The following PIAS2 variants were observed in gnomAD, a reference collection of about 807,000 sequenced individuals.
The protein encoded by PIAS2 is E3 SUMO-protein ligase PIAS2.
PIAS2 carries 19 observed loss-of-function variants against 69.7 expected under a neutral mutation model. The observed-to-expected ratio is 0.27, with a 90% confidence interval of 0.19 to 0.40. The LOEUF (loss-of-function observed/expected upper bound fraction) is 0.40, where lower values mean the gene tolerates loss of function less well. Among genes scored for constraint, PIAS2 ranks in the 10% least tolerant of loss-of-function variants. The pLI is 1.00. For synonymous variants in PIAS2, 261 were observed against 263.2 expected (o/e 0.99, Z 0.08); for missense variants, 624 against 757.0 (o/e 0.82, Z 2.06).
chr18:46,881,224 A>T (rs565386234), intron 2 of PIAS2, among the ~76,000 whole-genome samples: 1 of 152,002 alleles, frequency 6.6e-6, no homozygotes, highest in Non-Finnish European at 1.5e-5. Context: ...TCTCTGAACG[A>T]CCCCAGGCTC....
At chr18:46,894,925 T>C (rs958841362) in intron 1 of PIAS2, among the ~76,000 whole-genome samples, 2 of 151,560 alleles carry the variant, frequency 1.3e-5, no homozygotes, top group African/African-American at 4.9e-5. Context: ...ACAAAAAAAT[T>C]AGCCAGGCAT....
intron 8 of PIAS2, among the ~76,000 whole-genome samples, chr18:46,838,994 GT>G (rs1317601029): frequency 6.6e-6 from 1 of 152,026 alleles, no homozygotes; most frequent in African/African-American, 2.4e-5. Context: ...GAGATAACCG[GT>G]TTTTTATATC....
Position 46,876,667 on chromosome 18 carries a change from AAAATTCAGGAAT to A in PIAS2, c.500-12431_500-12420del, listed in dbSNP as rs1245763225. Among the ~76,000 whole-genome samples the A allele has an allele frequency of 1.0e-3, 159 of 152,014 alleles. 2 individuals carry two copies. Among genetic ancestry groups the A allele is most frequent in the African/African-American group, 3.8e-3 (156 of 41,412 alleles). ...ACTGCTTTATCCAATGAACTAGCTA[AAAATTCAGGAAT>A]AAATGATCCCTTTACTAATTTTTTT... On this transcript the variant is annotated intron_variant, in intron 2 of 13. Coordinates refer to ENST00000585916, the MANE Select transcript of PIAS2 (RefSeq NM_004671.5).
At chr18:46,812,841 A>T (rs1361346634) in intron 13 of PIAS2, among the ~76,000 whole-genome samples, 2 of 152,162 alleles carry the variant, frequency 1.3e-5, no homozygotes, top group Non-Finnish European at 2.9e-5. Flanking sequence ...AACTTGTGGA[A>T]CTTGTTTGCT....
chr18:46,903,603 T>C (rs937641218), intron 1 of PIAS2: 1 of 152,230 alleles, frequency 6.6e-6, no homozygotes, highest in East Asian at 1.9e-4. Context: ...ACTCCATACA[T>C]TGCTGGTAGG....
chr18:46,804,718 T>C lies in PIAS2; in HGVS notation c.*7715A>G, dbSNP rs139672906. ...CATGCTCTTGTAGCACCCTATACTT[T>C]GTCTTTTACCATTAACATTGTAATC... On this transcript the variant is annotated 3_prime_UTR_variant, in exon 14 of 14. Coordinates refer to ENST00000585916, the MANE Select transcript of PIAS2 (RefSeq NM_004671.5). The C allele has an allele frequency of 6.6e-6, 1 of 152,332 alleles. No homozygotes were observed. Among genetic ancestry groups the C allele is most frequent in the East Asian group, 1.9e-4 (1 of 5,182 alleles). 9.4% of individuals were successfully genotyped at this position (152,332 alleles called of 1,614,324 possible). A position where few individuals can be genotyped will look rare whatever the true frequency, so the allele number is the denominator to read the frequency against.
At chr18:46,845,461 C>T (rs912363268) in intron 6 of PIAS2, among the ~76,000 whole-genome samples, 3 of 152,060 alleles carry the variant, frequency 2.0e-5, no homozygotes, top group African/African-American at 7.2e-5. Flanking sequence ...ATTTTATTGA[C>T]AAGCAGCAGC....
Position 46,816,748 on chromosome 18 carries a change from A to C in PIAS2, c.1649-1399T>G, listed in dbSNP as rs75747385. 472 of 969,312 alleles carry C rather than the reference A, an allele frequency of 4.9e-4. 4 individuals are homozygous for C. The African/African-American group carries it at 7.5e-3, about 15-fold the overall frequency. The allele number at this position is 969,312 out of a possible 1,614,324, so 60.0% of individuals were successfully genotyped here. On this transcript the variant is annotated intron_variant, in intron 12 of 13. Coordinates refer to ENST00000585916, the MANE Select transcript of PIAS2 (RefSeq NM_004671.5). ...CTCCCAAAGTGCTGGGATTACAGAC[A>C]TAAGCCACCGCACCCAGCTTGCTGT...
chr18:46,810,189 A>AC lies in PIAS2; in HGVS notation c.*2243_*2244insG, dbSNP rs2040909779. On this transcript the variant is annotated 3_prime_UTR_variant, in exon 14 of 14. Transcript: ENST00000585916. ...CATTAAAACTGTTCACAGAAAATAG[A>AC]AAAAAAAACAAAAAAACAAATCACA... 1 of 46,218 alleles carries AC rather than the reference A, an allele frequency of 2.2e-5. No individual in the cohort carries two copies. Among genetic ancestry groups the AC allele is most frequent in the Admixed American group, 1.7e-4 (1 of 6,028 alleles). The allele number at this position is 46,218 out of a possible 1,614,324, so 2.9% of individuals were successfully genotyped here. A position where few individuals can be genotyped will look rare whatever the true frequency, so the allele number is the denominator to read the frequency against.
chr18:46,918,309 A>T (rs1387924240), upstream of PIAS2, among the ~76,000 whole-genome samples: 1 of 152,136 alleles, frequency 6.6e-6, no homozygotes, highest in Non-Finnish European at 1.5e-5. Context: ...AATTGGGTGG[A>T]ACCCACACAC....
intron 12 of PIAS2, among the ~76,000 whole-genome samples, chr18:46,819,834 A>G (rs555229478): frequency 3.3e-5 from 5 of 152,156 alleles, no homozygotes; most frequent in Non-Finnish European, 7.4e-5. Flanking sequence ...AGGGAAGAAG[A>G]GTAAAGGAGG....
chr18:46,844,700 TTTTA>T, intron 7 of PIAS2, 30 bp downstream of exon 7: 1 of 817,194 alleles, frequency 1.2e-6, no homozygotes, highest in Non-Finnish European at 1.8e-6. Flanking sequence ...TTTTTTTTTT[TTTTA>T]AATGCTTGGT....
At chr18:46,880,089 T>TA (rs58230183) in intron 2 of PIAS2, among the ~76,000 whole-genome samples, 8,103 of 110,304 alleles carry the variant, frequency 0.073, 259 homozygotes, top group Non-Finnish European at 0.085. Context: ...TTTACCACAG[T>TA]AAAAAAAAAA....
intron 1 of PIAS2, chr18:46,891,668 A>T: frequency 1.0e-6 from 1 of 966,250 alleles, no homozygotes; most frequent in Non-Finnish European, 1.2e-6. Context: ...CAAACTTCTA[A>T]AACAACTGAA....
At chr18:46,869,810 T>A (rs540997816) in intron 2 of PIAS2, among the ~76,000 whole-genome samples, 2 of 152,308 alleles carry the variant, frequency 1.3e-5, no homozygotes, top group Admixed American at 6.5e-5. Flanking sequence ...ATTTGTCAAC[T>A]TCTAATAGAG....
At chr18:46,856,029 A>C (rs762115994) in intron 3 of PIAS2, among the ~76,000 whole-genome samples, 1 of 104,602 alleles carries the variant, frequency 9.6e-6, no homozygotes, top group Non-Finnish European at 1.8e-5. Flanking sequence ...TTTTTGAGAC[A>C]GAGTCTTGCC....
chr18:46,872,808 T>C (rs2050571193), intron 2 of PIAS2, among the ~76,000 whole-genome samples: 1 of 152,182 alleles, frequency 6.6e-6, no homozygotes, highest in Non-Finnish European at 1.5e-5. Context: ...GCCCTAGAGA[T>C]GAAACCCTTA....
At chr18:46,859,541 C>T (rs2048357698) in intron 3 of PIAS2, among the ~76,000 whole-genome samples, 1 of 151,686 alleles carries the variant, frequency 6.6e-6, no homozygotes, top group South Asian at 2.1e-4. Context: ...GATTCCAATG[C>T]CATTAAGGAA....
At chr18:46,887,259 GAA>G (rs5824641) in intron 2 of PIAS2, among the ~76,000 whole-genome samples, 75 of 124,184 alleles carry the variant, frequency 6.0e-4, no homozygotes, top group South Asian at 1.1e-3. Flanking sequence ...GCAAAAAATT[GAA>G]AAAAAAAAAA....
Sources: gnomAD v4.1 joint callset for allele counts (sites outside exome capture counted in the v4.1 genomes callset) on GRCh38, gnomAD v4.1.1 for gene constraint, MANE v1.5 for transcripts, NCBI Gene and HGNC (gene_info 2026-07-23, HGNC 2026-07-21) for gene names.